ZCWPW2: variants seen among roughly 807,000 people sequenced by gnomAD.
ZCWPW2 encodes zinc finger CW-type and PWWP domain containing 2, also known as zinc finger CW-type PWWP domain protein 2.
In ZCWPW2, 45 loss-of-function variants were observed where a neutral mutation model predicts 46.6. The observed-to-expected ratio is 0.96, with a 90% CI of 0.76 to 1.24. The LOEUF (loss-of-function observed/expected upper bound fraction) is 1.24. Ranked by LOEUF, ZCWPW2 falls within the 50% of genes most tolerant of loss-of-function variation. ZCWPW2 has a pLI of 0.00. For missense variants in ZCWPW2, 429 were observed against 403.9 expected (o/e 1.06, Z -0.53); for synonymous variants, 152 against 137.1 (o/e 1.11, Z -0.76).
chr3:28,512,175 CT>C lies in ZCWPW2; in HGVS notation c.658-1876del, dbSNP rs1025056933. Among the ~76,000 whole-genome samples, 375 of 143,330 alleles carry C rather than the reference CT, an allele frequency of 2.6e-3. 2 individuals are homozygous for C. Among genetic ancestry groups the C allele is most frequent in the South Asian group, 8.5e-3 (38 of 4,482 alleles). The allele number at this position is 143,330 out of a possible 152,430, so 94.0% of individuals were successfully genotyped here. A position where few individuals can be genotyped will look rare whatever the true frequency, so the allele number is the denominator to read the frequency against. ...CTTTTACAAATTGACATGAAAAATTCTTTTTTTTTTTTTCTTTCTTGAGACA... is the reference window on the plus strand; with the variant it reads ...CTTTTACAAATTGACATGAAAAATTCTTTTTTTTTTTTCTTTCTTGAGACA... On this transcript the variant is annotated intron_variant, in intron 6 of 9. Coordinates refer to ENST00000383768, the MANE Select transcript of ZCWPW2 (RefSeq NM_001040432.4).
intron 6 of ZCWPW2, chr3:28,511,172 T>G (rs570559867): frequency 4.8e-6 from 2 of 414,222 alleles, no homozygotes; most frequent in South Asian, 3.5e-5. Flanking sequence ...TTCACGGCAG[T>G]AAGGGAACTC....
intron 3 of ZCWPW2, among the ~76,000 whole-genome samples, chr3:28,424,829 T>A (rs1575118384): frequency 1.3e-5 from 2 of 152,170 alleles, no homozygotes; most frequent in East Asian, 3.8e-4. Flanking sequence ...AGCTTCCATG[T>A]GATAATTAGG....
At chr3:28,361,972 C>G (rs993588666) in intron 1 of ZCWPW2, among the ~76,000 whole-genome samples, 1 of 151,830 alleles carries the variant, frequency 6.6e-6, no homozygotes, top group Middle Eastern at 3.2e-3. Context: ...AGAGGTTTCC[C>G]CCAAATTAAA....
intron 4 of ZCWPW2, among the ~76,000 whole-genome samples, chr3:28,439,245 C>T (rs1012382182): frequency 7.3e-5 from 11 of 150,640 alleles, no homozygotes; most frequent in African/African-American, 2.7e-4. Context: ...GCTTGAGGAG[C>T]AAAGAGAACC....
At position 28,470,584 on chromosome 3, in the gene ZCWPW2, G is replaced by C. The variant is rs116159328; in HGVS notation, c.493-8230G>C. Among the ~76,000 whole-genome samples, 643 of 149,594 alleles carry C rather than the reference G, an allele frequency of 4.3e-3. 11 individuals are homozygous for C. The highest frequency in any genetic ancestry group is 0.015 in the African/African-American group (619 of 40,830). On this transcript the variant is annotated intron_variant, in intron 4 of 9. Transcript: ENST00000383768. ...GACATACCAAAACCTATGAGATACAGTAAACACAGTACTAAAAGGGAAGTT... is the reference window on the plus strand; with the variant it reads ...GACATACCAAAACCTATGAGATACACTAAACACAGTACTAAAAGGGAAGTT...
At chr3:28,449,846 T>C (rs1698154862) in intron 4 of ZCWPW2, among the ~76,000 whole-genome samples, 2 of 152,202 alleles carry the variant, frequency 1.3e-5, no homozygotes, top group African/African-American at 2.4e-5. Context: ...TTTTCTTTTA[T>C]ATTTAGTAGG....
chr3:28,361,608 A>G (rs1190306032), intron 1 of ZCWPW2, among the ~76,000 whole-genome samples: 3 of 152,112 alleles, frequency 2.0e-5, no homozygotes, highest in Admixed American at 6.6e-5. Context: ...TATAGAATGG[A>G]AGAAAATATT....
chr3:28,462,498 G>C (rs1260704512), intron 4 of ZCWPW2, among the ~76,000 whole-genome samples: 1 of 152,178 alleles, frequency 6.6e-6, no homozygotes, highest in Non-Finnish European at 1.5e-5. Flanking sequence ...TGAACCTAGG[G>C]AATGTAAAAG....
rs188405262 is a variant in ZCWPW2, at chr3:28,480,389, C to A, written c.610+1458C>A. 5.4e-3 allele frequency among the ~76,000 whole-genome samples: 816 copies of A among 151,480 alleles called. 2 individuals are homozygous for A. The highest frequency in any genetic ancestry group is 8.1e-3 in the Non-Finnish European group (550 of 67,872). On this transcript the variant is annotated intron_variant, in intron 5 of 9. Coordinates refer to ENST00000383768, the MANE Select transcript of ZCWPW2 (RefSeq NM_001040432.4). ...TCTTTTGAAAATTGTCTGTTTGTGT[C>A]CTTTGCCCACTTTTTAATGGTTTTT...
At chr3:28,474,008 A>G (rs778310887) in intron 4 of ZCWPW2, among the ~76,000 whole-genome samples, 2 of 152,240 alleles carry the variant, frequency 1.3e-5, no homozygotes, top group African/African-American at 2.4e-5. Flanking sequence ...ACATTTAAAA[A>G]TAACTAAAGA....
chr3:28,421,577 TCTGGTTGCACTCA>T (rs1470466966), intron 3 of ZCWPW2, among the ~76,000 whole-genome samples: 5 of 152,098 alleles, frequency 3.3e-5, no homozygotes, highest in African/African-American at 1.2e-4. Flanking sequence ...TTTTTGTTTG[TCTGGTTGCACTCA>T]CTGGTGTTTC....
chr3:28,382,891 A>G (rs574994217), intron 1 of ZCWPW2, among the ~76,000 whole-genome samples: 2 of 152,296 alleles, frequency 1.3e-5, no homozygotes, highest in Admixed American at 1.3e-4. Flanking sequence ...AGCATTTTCA[A>G]CGATGACGGG....
At chr3:28,434,669 G>A (rs751907132) in intron 3 of ZCWPW2, among the ~76,000 whole-genome samples, 14 of 152,174 alleles carry the variant, frequency 9.2e-5, no homozygotes, top group Non-Finnish European at 1.8e-4. Flanking sequence ...GGCAGACCTG[G>A]CTCAGGAAAT....
chr3:28,405,816 A>G (rs1343029620), intron 2 of ZCWPW2, among the ~76,000 whole-genome samples: 3 of 152,156 alleles, frequency 2.0e-5, no homozygotes, highest in Non-Finnish European at 2.9e-5. Flanking sequence ...CCAGAAAGAA[A>G]AGAGGAGTGC....
chr3:28,485,543 T>A (rs1699572559), intron 5 of ZCWPW2, among the ~76,000 whole-genome samples: 3 of 152,184 alleles, frequency 2.0e-5, no homozygotes, highest in African/African-American at 7.2e-5. Flanking sequence ...TTCCATCAGT[T>A]TTTGCCTCTC....
intron 3 of ZCWPW2, among the ~76,000 whole-genome samples, chr3:28,422,904 G>A (rs1696852385): frequency 6.6e-6 from 1 of 152,128 alleles, no homozygotes; most frequent in Non-Finnish European, 1.5e-5. Flanking sequence ...ATTCTAATAG[G>A]TGTGTAGTGG....
intron 4 of ZCWPW2, among the ~76,000 whole-genome samples, chr3:28,456,175 G>A (rs949196561): frequency 5.3e-5 from 8 of 152,150 alleles, no homozygotes; most frequent in Non-Finnish European, 1.0e-4. Flanking sequence ...GTGGTTTGTC[G>A]TTCTCCTTGA....
intron 5 of ZCWPW2, among the ~76,000 whole-genome samples, chr3:28,484,282 A>G (rs1046818624): frequency 1.3e-5 from 2 of 152,064 alleles, no homozygotes; most frequent in Admixed American, 6.6e-5. Flanking sequence ...CAATTTTTGA[A>G]CTACCTTGCA....
At chr3:28,515,478 A>C in intron 7 of ZCWPW2, 76 bp from the exon 8 acceptor site, 1 of 1,092,384 alleles carries the variant, frequency 9.2e-7, no homozygotes, top group Non-Finnish European at 1.4e-6. Flanking sequence ...ACAGTTACCA[A>C]TGAATAGGCA....
Sources: allele counts gnomAD v4.1 joint callset (sites outside exome capture counted in the v4.1 genomes callset), GRCh38; gene constraint gnomAD v4.1.1; transcripts MANE v1.5; gene names NCBI Gene and HGNC (gene_info 2026-07-23, HGNC 2026-07-21).